TXNRD1: variants seen among roughly 807,000 people sequenced by gnomAD.
The protein encoded by TXNRD1 is thioredoxin reductase 1.
Under a neutral mutation model 80.3 loss-of-function variants are expected in TXNRD1, and 57 were observed. The observed-to-expected ratio is 0.71, with a 90% CI of 0.57 to 0.89. The LOEUF is 0.89. Ranked by LOEUF, TXNRD1 falls within the 40% of genes least tolerant of loss-of-function variation. The pLI is 0.00. For synonymous variants in TXNRD1, 291 were observed against 285.2 expected (o/e 1.02, Z -0.20); for missense variants, 730 against 803.0 (o/e 0.91, Z 1.10).
At chr12:104,265,617 A>G (rs1374044864) in intron 3 of TXNRD1, 3 of 1,607,376 alleles carry the variant, frequency 1.9e-6, no homozygotes, top group Non-Finnish European at 2.5e-6. Context: ...TGACCACCGC[A>G]GGCGCTGTCA....
chr12:104,284,949 A>G (rs1159612040), intron 3 of TXNRD1, among the ~76,000 whole-genome samples: 4 of 152,240 alleles, frequency 2.6e-5, no homozygotes, highest in Admixed American at 2.6e-4. Flanking sequence ...GCTGAAGCAG[A>G]CGGATCCCTT....
intron 4 of TXNRD1, chr12:104,303,636 A>G: frequency 7.7e-6 from 3 of 390,794 alleles, no homozygotes; most frequent in Non-Finnish European, 1.4e-5. Flanking sequence ...GCGCTGGTCT[A>G]TGAGCGAGCG....
At chr12:104,305,375 G>A (rs1210621399) in intron 4 of TXNRD1, among the ~76,000 whole-genome samples, 2 of 151,778 alleles carry the variant, frequency 1.3e-5, no homozygotes, top group Non-Finnish European at 2.9e-5. Flanking sequence ...AAAAAAACCT[G>A]TCTGTAAGGC....
intron 4 of TXNRD1, among the ~76,000 whole-genome samples, chr12:104,305,907 CT>C (rs908762425): frequency 4.0e-5 from 6 of 151,692 alleles, no homozygotes; most frequent in Admixed American, 6.6e-5. Context: ...GCATTTCTAT[CT>C]TTTTTTTTCC....
intron 4 of TXNRD1, chr12:104,310,178 CTCTGTG>C (rs752174183): frequency 5.1e-5 from 34 of 670,728 alleles, no homozygotes; most frequent in Middle Eastern, 8.7e-4. Flanking sequence ...TGGAGTCTCA[CTCTGTG>C]AGACTCCCAG....
At chr12:104,257,996 C>T (rs2033292939) in intron 2 of TXNRD1, 23 bp from the exon 3 acceptor site, 3 of 1,526,834 alleles carry the variant, frequency 2.0e-6, no homozygotes, top group Admixed American at 2.1e-5. Flanking sequence ...TCATTTTCCT[C>T]CTTGTTTTTC....
intron 3 of TXNRD1, among the ~76,000 whole-genome samples, chr12:104,275,670 A>G (rs969815510): frequency 1.3e-5 from 2 of 152,210 alleles, no homozygotes; most frequent in South Asian, 2.1e-4. Flanking sequence ...GGCATGAGCC[A>G]CTGCACCCAG....
chr12:104,217,366 A>G (rs1337812494), intron 1 of TXNRD1, among the ~76,000 whole-genome samples: 2 of 149,538 alleles, frequency 1.3e-5, no homozygotes, highest in African/African-American at 2.5e-5. Flanking sequence ...GCTGGGGTGC[A>G]ATGGCGCCAT....
intron 3 of TXNRD1, chr12:104,286,956 A>G: frequency 8.2e-7 from 1 of 1,218,818 alleles, no homozygotes. Context: ...TCTGGCAGTT[A>G]GCCCGCCCGC....
chr12:104,341,149 G>C (rs562811184), intron 16 of TXNRD1, among the ~76,000 whole-genome samples: 1 of 152,290 alleles, frequency 6.6e-6, no homozygotes, highest in Admixed American at 6.5e-5. Context: ...GCCCATGGCT[G>C]TGGGGAGGTC....
chr12:104,323,799 C>CG (rs989874238), intron 10 of TXNRD1, among the ~76,000 whole-genome samples: 3 of 99,712 alleles, frequency 3.0e-5, no homozygotes, highest in African/African-American at 6.8e-5. Flanking sequence ...GCTGGCCGGG[C>CG]GGGGGGGCTG....
chr12:104,281,579 T>G (rs1043438774), intron 3 of TXNRD1, among the ~76,000 whole-genome samples: 2 of 151,810 alleles, frequency 1.3e-5, no homozygotes, highest in African/African-American at 4.8e-5. Context: ...GTTAATTTTT[T>G]GTATTTTTAG....
At position 104,333,607 on chromosome 12, in the gene TXNRD1, G is replaced by A. The variant is rs992326380; in HGVS notation, c.1651-630G>A. On this transcript the variant is annotated intron_variant, in intron 14 of 16. Coordinates refer to ENST00000525566, the MANE Select transcript of TXNRD1 (RefSeq NM_001093771.3). Reference sequence around the variant, plus strand: ...AATCAGTTTGCTCGTAAAAGGTAGCGAATCATGTTTTGAACTGAGGCTAGC... The same window carrying A: ...AATCAGTTTGCTCGTAAAAGGTAGCAAATCATGTTTTGAACTGAGGCTAGC... 3.0e-4 allele frequency among the ~76,000 whole-genome samples: 45 copies of A among 151,906 alleles called. 1 individual carries two copies. Among genetic ancestry groups the A allele is most frequent in the Admixed American group, 2.0e-4 (3 of 15,242 alleles).
rs2032481919 is a variant in TXNRD1 at position 104,226,725 on chromosome 12, A to G, written c.91+10832A>G. Among the ~76,000 whole-genome samples the G allele has an allele frequency of 2.0e-5, 3 of 152,216 alleles. No individual in the cohort carries two copies. In the South Asian group the frequency reaches 6.2e-4, roughly 31 times the overall value. ...AATATTAAGTCCTCTCAAGCTGTAA[A>G]ATTCTGTAGGTCTGTCTCCCATAAA... On this transcript the variant is annotated intron_variant, in intron 1 of 16. Transcript: ENST00000525566.
intron 3 of TXNRD1, among the ~76,000 whole-genome samples, chr12:104,263,484 A>G (rs914538477): frequency 6.6e-6 from 1 of 152,074 alleles, no homozygotes; most frequent in Non-Finnish European, 1.5e-5. Flanking sequence ...AGGTTGTACA[A>G]TCTGCCACCA....
intron 3 of TXNRD1, chr12:104,287,471 T>C: frequency 6.2e-7 from 1 of 1,610,016 alleles, no homozygotes; most frequent in Non-Finnish European, 8.5e-7. Flanking sequence ...TCTTGAAATG[T>C]AGATGACAAT....
chr12:104,329,230 C>T (rs2035869587), intron 13 of TXNRD1, among the ~76,000 whole-genome samples: 1 of 151,382 alleles, frequency 6.6e-6, no homozygotes, highest in Admixed American at 6.6e-5. Flanking sequence ...TGCATTGTTG[C>T]AGTTGTTGAG....
Position 104,288,842 on chromosome 12 carries a change from G to A in TXNRD1, c.305-89G>A, listed in dbSNP as rs537246446. 9 of 1,610,946 alleles carry A rather than the reference G, an allele frequency of 5.6e-6. No individual in the cohort carries two copies. In the South Asian group the frequency reaches 6.6e-5, roughly 12 times the overall value. On this transcript the variant is annotated intron_variant, in intron 3 of 16. Coordinates refer to ENST00000525566, the MANE Select transcript of TXNRD1 (RefSeq NM_001093771.3). ...GAGGGCACGCGGTGCCTGCGGGGCC[G>A]GGACGGAAGCCCCGCCCCCGGCGCA... is the stretch of plus-strand genomic sequence containing the variant.
At chr12:104,230,525 A>G (rs1259616685) in intron 1 of TXNRD1, among the ~76,000 whole-genome samples, 2 of 152,146 alleles carry the variant, frequency 1.3e-5, no homozygotes, top group Non-Finnish European at 2.9e-5. Flanking sequence ...AGTGGTGTGA[A>G]GTGGTATCTC....
Sources: gnomAD v4.1 joint callset for allele counts (sites outside exome capture counted in the v4.1 genomes callset) on GRCh38, gnomAD v4.1.1 for gene constraint, MANE v1.5 for transcripts, NCBI Gene and HGNC (gene_info 2026-07-23, HGNC 2026-07-21) for gene names.